LARGE1: variants seen among roughly 807,000 people sequenced by gnomAD.
LARGE1 encodes the protein LARGE xylosyl- and glucuronyltransferase 1, also known as xylosyl- and glucuronyltransferase LARGE1.
LARGE1 carries 43 observed loss-of-function variants against 87.6 expected under a neutral mutation model. The ratio of observed to expected loss-of-function variants is 0.49; its 90% CI spans 0.38 to 0.63. The LOEUF (loss-of-function observed/expected upper bound fraction) is 0.63. LARGE1 is among the 30% of genes least tolerant of loss of function. The pLI is 0.00. For missense variants in LARGE1, 802 were observed against 1,000.2 expected, an observed-to-expected ratio of 0.80 and a Z score of 2.67; for synonymous variants, 434 against 394.6, an observed-to-expected ratio of 1.10 and a Z score of -1.18.
chr22:33,296,569 C>CTTT lies in LARGE1; in HGVS notation c.1730+7657_1730+7659dup, dbSNP rs66851772. On this transcript the variant is annotated intron_variant, in intron 12 of 14. Transcript: ENST00000397394. ...AGTTATCCTTTTTCTTTTTTCTTTT[C>CTTT]TTTTTTTTTTTTTTTTGAGATGGAG... 6.8e-4 allele frequency among the ~76,000 whole-genome samples: 91 copies of CTTT among 133,912 alleles called. 1 individual carries two copies. Among genetic ancestry groups the CTTT allele is most frequent in the African/African-American group, 2.4e-3 (85 of 35,418 alleles). 87.9% of individuals were successfully genotyped at this position (133,912 alleles called of 152,430 possible).
intron 2 of LARGE1, among the ~76,000 whole-genome samples, chr22:33,749,398 C>T (rs948602196): frequency 1.3e-5 from 2 of 152,198 alleles, no homozygotes; most frequent in African/African-American, 4.8e-5. Context: ...CAGCTGTGAG[C>T]CACAGCGCCC....
intron 11 of LARGE1, among the ~76,000 whole-genome samples, chr22:33,235,474 C>T (rs747419669): frequency 4.6e-5 from 7 of 151,808 alleles, no homozygotes; most frequent in South Asian, 2.1e-4. Context: ...GCTTGGTGCA[C>T]GTAACAAACA....
rs2065034459 is a variant in LARGE1 at position 33,892,697 on chromosome 22, A to G, written c.-83+27298T>C. 4.6e-5 allele frequency among the ~76,000 whole-genome samples: 7 copies of G among 152,372 alleles called. No individual in the cohort carries two copies. In the South Asian group the frequency reaches 1.5e-3, roughly 32 times the overall value. On this transcript the variant is annotated intron_variant, in intron 1 of 14. Transcript: ENST00000397394. ...ACACATGCCAGTTTCACTAGCAGCC[A>G]CTGTGAATTCTAAAGGTGGTACAAC... is the stretch of plus-strand genomic sequence containing the variant.
chr22:33,416,906 C>CTTTTTTTTT (rs35018256), intron 7 of LARGE1, among the ~76,000 whole-genome samples: 3,346 of 89,970 alleles, frequency 0.037, 486 homozygotes, highest in African/African-American at 0.11. Context: ...CACGCCCGGA[C>CTTTTTTTTT]TTTTTTTTTT....
chr22:33,742,798 C>T (rs915307988), intron 2 of LARGE1, among the ~76,000 whole-genome samples: 5 of 151,852 alleles, frequency 3.3e-5, no homozygotes, highest in African/African-American at 1.2e-4. Context: ...TTTTAATTTT[C>T]CTAGTAAAGA....
At chr22:33,658,743 A>C (rs535327541) in intron 2 of LARGE1, among the ~76,000 whole-genome samples, 1 of 152,288 alleles carries the variant, frequency 6.6e-6, no homozygotes, top group African/African-American at 2.4e-5. Flanking sequence ...TGCTGCAATA[A>C]ACATATGTGT....
chr22:33,696,848 T>G (rs764072871), intron 2 of LARGE1, among the ~76,000 whole-genome samples: 17 of 152,128 alleles, frequency 1.1e-4, no homozygotes, highest in Non-Finnish European at 1.6e-4. Flanking sequence ...GGTATTATAT[T>G]ACATATGCAT....
chr22:33,129,631 T>G, the LARGE1 span, among the ~76,000 whole-genome samples: 2 of 151,996 alleles, frequency 1.3e-5, no homozygotes, highest in African/African-American at 4.8e-5. Flanking sequence ...ACTGGGTAAT[T>G]TATAAAGGAA....
At chr22:33,123,180 C>T in the LARGE1 span, among the ~76,000 whole-genome samples, 1 of 151,612 alleles carries the variant, frequency 6.6e-6, no homozygotes, top group South Asian at 2.1e-4. Context: ...ACACATTTTA[C>T]AGCTATCTCT....
At chr22:33,416,217 C>T (rs186430633) in intron 7 of LARGE1, among the ~76,000 whole-genome samples, 5 of 152,300 alleles carry the variant, frequency 3.3e-5, no homozygotes, top group Admixed American at 2.0e-4. Context: ...GCTCCTCCTA[C>T]ATTGGGCACA....
At chr22:33,916,035 C>A (rs1026661118) in intron 1 of LARGE1, among the ~76,000 whole-genome samples, 10 of 152,154 alleles carry the variant, frequency 6.6e-5, no homozygotes, top group African/African-American at 1.2e-4. Flanking sequence ...GTAATCCCAG[C>A]ACTTTGGGAG....
chr22:33,612,653 T>C (rs1426482243), intron 4 of LARGE1, among the ~76,000 whole-genome samples: 1 of 152,084 alleles, frequency 6.6e-6, no homozygotes, highest in Non-Finnish European at 1.5e-5. Context: ...ACCTACTTAA[T>C]GCCAGAAATA....
intron 6 of LARGE1, among the ~76,000 whole-genome samples, chr22:33,502,702 G>A (rs997273130): frequency 3.9e-5 from 6 of 151,994 alleles, no homozygotes; most frequent in African/African-American, 1.4e-4. Context: ...CCAAGTAGCT[G>A]GGACTACAGG....
intron 12 of LARGE1, among the ~76,000 whole-genome samples, chr22:33,287,094 T>C (rs1434564129): frequency 6.6e-6 from 1 of 152,258 alleles, no homozygotes; most frequent in African/African-American, 2.4e-5. Flanking sequence ...TCTGAACTGC[T>C]GCAGAGGGGC....
intron 6 of LARGE1, among the ~76,000 whole-genome samples, chr22:33,503,820 A>T (rs1469603865): frequency 1.3e-5 from 2 of 151,934 alleles, no homozygotes; most frequent in East Asian, 3.9e-4. Flanking sequence ...ACAAAAACAA[A>T]AACACCAAAA....
At chr22:33,318,960 T>C (rs1197729788) in intron 10 of LARGE1, among the ~76,000 whole-genome samples, 3 of 152,186 alleles carry the variant, frequency 2.0e-5, no homozygotes, top group African/African-American at 7.2e-5. Context: ...TAAGAAAATA[T>C]ATTAACTTGC....
At chr22:33,359,418 T>C (rs1414972487) in intron 9 of LARGE1, among the ~76,000 whole-genome samples, 2 of 152,168 alleles carry the variant, frequency 1.3e-5, no homozygotes, top group Non-Finnish European at 2.9e-5. Flanking sequence ...TGGAACACCA[T>C]TCCCAGCCAA....
At position 33,304,538 on chromosome 22, in the gene LARGE1, AC is replaced by A. The variant is rs1368004389; in HGVS notation, c.1452-32del. 1.9e-6 allele frequency: 3 copies of A among 1,540,172 alleles called. No individual in the cohort carries two copies. The African/African-American group carries it at 4.1e-5, about 21-fold the overall frequency. ...AGAGACAGGGAGGGTGAGCCGCGGG[AC>A]CTGGGCCATCCATGCATCATCCGCC... On this transcript the variant is annotated intron_variant, in intron 11 of 14. Transcript: ENST00000397394.
rs116213032 is a variant in LARGE1 at position 33,274,535 on chromosome 22, C to T, written c.2163G>A (p.Lys721=). The stretch of plus-strand genomic sequence containing the variant: ...GGGTTTTGAGACAGATGCGGTATTG[C>T]TTGTTGGAACGGAACTTGGTAATGT... ...SFDITKFRSN[K]QYRICLKTLK... Residue 721 remains lysine, a synonymous_variant, in exon 15 of 15, where the codon AAG becomes AAA. Coordinates refer to ENST00000397394, the MANE Select transcript of LARGE1 (RefSeq NM_133642.5). The T allele has an allele frequency of 6.2e-7, 1 of 1,614,036 alleles. No homozygotes were observed.
Sources: allele counts gnomAD v4.1 joint callset (sites outside exome capture counted in the v4.1 genomes callset), GRCh38; gene constraint gnomAD v4.1.1; transcripts MANE v1.5; gene names NCBI Gene and HGNC (gene_info 2026-07-23, HGNC 2026-07-21).